Variants in PODXL observed in about 807,000 individuals in gnomAD.
PODXL encodes the protein podocalyxin.
A neutral mutation model predicts 48.9 loss-of-function variants in PODXL; 20 were observed. The observed-to-expected ratio is 0.41, with a 90% CI of 0.29 to 0.59. The LOEUF (loss-of-function observed/expected upper bound fraction) is 0.59, where lower values mean the gene tolerates loss of function less well. Among genes scored for constraint, PODXL ranks in the 20% least tolerant of loss-of-function variants. The probability of loss-of-function intolerance (pLI) is 0.31; values close to 1 mark genes in which losing one functional copy is unlikely to be tolerated. For synonymous variants in PODXL, 295 were observed against 287.4 expected, an observed-to-expected ratio of 1.03 and a Z score of -0.27; for missense variants, 606 against 675.1, an observed-to-expected ratio of 0.90 and a Z score of 1.13.
At position 131,511,071 on chromosome 7, in the gene PODXL, T is replaced by C; in HGVS notation, c.463A>G (p.Thr155Ala). ...TTSSQNGAED[T>A]TNSGGKSSHS... ...CTGCTTTTCCCCCCAGAGTTTGTTGTATCTTCTGCTCCATTCTGGCTGCTT... is the reference window on the plus strand; with the variant it reads ...CTGCTTTTCCCCCCAGAGTTTGTTGCATCTTCTGCTCCATTCTGGCTGCTT... Residue 155 changes from threonine to alanine, a missense_variant, in exon 2 of 9, where the codon ACA becomes GCA. Thr to Ala is a moderately conservative substitution (Grantham distance 58). Coordinates refer to ENST00000378555, the MANE Select transcript of PODXL (RefSeq NM_001018111.3). The C allele has an allele frequency of 6.2e-7, 1 of 1,614,112 alleles. No individual in the cohort carries two copies. The highest frequency in any genetic ancestry group is 8.5e-7 in the Non-Finnish European group (1 of 1,180,022).
In PODXL at chr7:131,504,434, G is replaced by A; in HGVS notation, c.1554C>T (p.Thr518=). ...HDNPTLEVME[T]SSEMQEKKVV... is the part of the protein sequence containing the mutation. ...CCTTCTTCTCCTGCATCTCAGAAGA[G>A]GTCTCCATCACTTCCAGTGTTGGGT... The change falls in exon 9 of 9, where the codon ACC becomes ACT. Residue 518 remains threonine (T), a synonymous_variant. Transcript: ENST00000378555. The A allele has an allele frequency of 6.2e-7, 1 of 1,613,966 alleles. No homozygotes were observed. The highest frequency in any genetic ancestry group is 8.5e-7 in the Non-Finnish European group (1 of 1,179,808).
chr7:131,555,170 G>A (rs548742023), intron 1 of PODXL, among the ~76,000 whole-genome samples: 46 of 152,222 alleles, frequency 3.0e-4, no homozygotes, highest in African/African-American at 9.4e-4. Flanking sequence ...CCAAACTGCC[G>A]GCACCTGCTC....
At position 131,501,755 on chromosome 7, in the gene PODXL, AATTATCAGAGAGCAT is replaced by A. The variant is rs1212891599; in HGVS notation, c.*2541_*2555del. On this transcript the variant is annotated 3_prime_UTR_variant, in exon 9 of 9. Transcript: ENST00000378555. ...CTCTTCCCAGACCCAATGCTCTCTGAATTATCAGAGAGCATTTAGAACCCAGTAAAGGTGGCAGAA... is the reference window on the plus strand; with the variant it reads ...CTCTTCCCAGACCCAATGCTCTCTGATTAGAACCCAGTAAAGGTGGCAGAA... 1 of 152,156 alleles carries A rather than the reference AATTATCAGAGAGCAT, an allele frequency of 6.6e-6. No individual in the cohort carries two copies. The highest frequency in any genetic ancestry group is 1.5e-5 in the Non-Finnish European group (1 of 68,038). The allele number at this position is 152,156 out of a possible 1,614,324, so 9.4% of individuals were successfully genotyped here.
intron 1 of PODXL, among the ~76,000 whole-genome samples, chr7:131,533,189 C>A (rs1023473334): frequency 1.3e-5 from 2 of 152,154 alleles, no homozygotes; most frequent in South Asian, 4.1e-4. Flanking sequence ...CCACAGACTC[C>A]AGTCATGCTC....
chr7:131,531,187 G>A (rs977740081), intron 1 of PODXL, among the ~76,000 whole-genome samples: 2 of 152,194 alleles, frequency 1.3e-5, no homozygotes, highest in Admixed American at 1.3e-4. Flanking sequence ...CTCCAGCCCA[G>A]TGTGGGTCCT....
At chr7:131,517,177 T>G (rs894271277) in intron 1 of PODXL, among the ~76,000 whole-genome samples, 22 of 152,348 alleles carry the variant, frequency 1.4e-4, no homozygotes, top group African/African-American at 5.1e-4. Flanking sequence ...GAAATGCTGC[T>G]GATTTCAGTG....
intron 1 of PODXL, among the ~76,000 whole-genome samples, chr7:131,514,896 A>G (rs1052801012): frequency 2.0e-5 from 3 of 152,316 alleles, no homozygotes; most frequent in South Asian, 2.1e-4. Flanking sequence ...GGTGTGAGCC[A>G]TGGCACCCAG....
chr7:131,522,100 C>G (rs1798101771), intron 1 of PODXL, among the ~76,000 whole-genome samples: 1 of 152,182 alleles, frequency 6.6e-6, no homozygotes, highest in South Asian at 2.1e-4. Context: ...TTAAACAGAA[C>G]ATCAGGAAAT....
chr7:131,543,642 G>A (rs532726683), intron 1 of PODXL, among the ~76,000 whole-genome samples: 1 of 152,208 alleles, frequency 6.6e-6, no homozygotes, highest in Admixed American at 6.5e-5. Context: ...AATCCTGTGG[G>A]GTCTGAGTGC....
At chr7:131,541,615 C>T (rs1437595632) in intron 1 of PODXL, among the ~76,000 whole-genome samples, 1 of 148,774 alleles carries the variant, frequency 6.7e-6, no homozygotes, top group Non-Finnish European at 1.5e-5. Context: ...ACCTGGGAGG[C>T]GGAGGTTGCA....
intron 1 of PODXL, among the ~76,000 whole-genome samples, chr7:131,537,023 G>C (rs1798386180): frequency 6.6e-6 from 1 of 152,176 alleles, no homozygotes; most frequent in African/African-American, 2.4e-5. Flanking sequence ...TCCTCAGGAG[G>C]CTGAGGCAGG....
At chr7:131,508,435 T>C (rs1584808520) in intron 5 of PODXL, among the ~76,000 whole-genome samples, 1 of 152,188 alleles carries the variant, frequency 6.6e-6, no homozygotes, top group East Asian at 1.9e-4. Flanking sequence ...TTCTTTTCTT[T>C]CTGTAAAAAC....
chr7:131,515,080 A>G (rs1262138397), intron 1 of PODXL, among the ~76,000 whole-genome samples: 1 of 152,218 alleles, frequency 6.6e-6, no homozygotes, highest in African/African-American at 2.4e-5. Flanking sequence ...AGTAATACAC[A>G]TGCACGCCCC....
chr7:131,526,880 A>C (rs1380549175), intron 1 of PODXL, among the ~76,000 whole-genome samples: 4 of 151,268 alleles, frequency 2.6e-5, no homozygotes, highest in African/African-American at 9.7e-5. Flanking sequence ...CTGGGATTAC[A>C]GGTGCCCGTC....
At chr7:131,545,967 C>A (rs778720015) in intron 1 of PODXL, among the ~76,000 whole-genome samples, 3 of 152,228 alleles carry the variant, frequency 2.0e-5, no homozygotes, top group Non-Finnish European at 2.9e-5. Flanking sequence ...CAGAGCAATG[C>A]CCCCAAGGCA....
intron 1 of PODXL, among the ~76,000 whole-genome samples, chr7:131,530,848 C>G (rs899705797): frequency 2.0e-5 from 3 of 151,676 alleles, no homozygotes; most frequent in Admixed American, 1.3e-4. Flanking sequence ...CACCTGAGGT[C>G]GGGAGTATGA....
intron 1 of PODXL, among the ~76,000 whole-genome samples, chr7:131,542,924 G>A (rs760634387): frequency 1.8e-4 from 27 of 152,082 alleles, no homozygotes; most frequent in Non-Finnish European, 2.8e-4. Flanking sequence ...CCTGGTCTTT[G>A]CTGGCACAAG....
At chr7:131,554,519 G>A (rs1330181541) in intron 1 of PODXL, among the ~76,000 whole-genome samples, 1 of 152,220 alleles carries the variant, frequency 6.6e-6, no homozygotes, top group Non-Finnish European at 1.5e-5. Context: ...GGCCAGAAGT[G>A]GTGCTTCATG....
At chr7:131,548,972 G>A (rs1798626442) in intron 1 of PODXL, among the ~76,000 whole-genome samples, 1 of 152,160 alleles carries the variant, frequency 6.6e-6, no homozygotes, top group Non-Finnish European at 1.5e-5. Context: ...TATATTTATG[G>A]AACAGCTACT....
Sources: allele counts gnomAD v4.1 joint callset (sites outside exome capture counted in the v4.1 genomes callset), GRCh38; gene constraint gnomAD v4.1.1; transcripts MANE v1.5; gene names NCBI Gene and HGNC (gene_info 2026-07-23, HGNC 2026-07-21).